Variants in KIF26B observed in about 807,000 individuals in gnomAD.
KIF26B encodes the protein kinesin family member 26B.
A neutral mutation model predicts 151.2 loss-of-function variants in KIF26B; 63 were observed. The observed-to-expected ratio is 0.42, with a 90% CI of 0.34 to 0.51. The LOEUF (loss-of-function observed/expected upper bound fraction) is 0.51. Among genes scored for constraint, KIF26B ranks in the 20% least tolerant of loss-of-function variants. The probability of loss-of-function intolerance (pLI) is 0.07; values close to 1 mark genes in which losing one functional copy is unlikely to be tolerated. For missense variants in KIF26B, 2,813 were observed against 2,913.6 expected (o/e 0.97, Z 0.79); for synonymous variants, 1,357 against 1,262.1 (o/e 1.08, Z -1.59).
chr1:245,529,517 A>G (rs1661313860), intron 4 of KIF26B, among the ~76,000 whole-genome samples: 1 of 152,146 alleles, frequency 6.6e-6, no homozygotes, highest in Non-Finnish European at 1.5e-5. Flanking sequence ...GGAAATAACA[A>G]ACTCTTGCTT....
rs980289066 is a variant in KIF26B, at chr1:245,555,053, C to A, written c.1350+14103C>A. ...TCTTCCATTGGAGGCAACACCTGGG[C>A]GTTCTTTGTTTTGCCTTTGCCGCAG... On this transcript the variant is annotated intron_variant, in intron 5 of 14. Transcript: ENST00000407071. Among the ~76,000 whole-genome samples the A allele has an allele frequency of 3.9e-5, 6 of 152,112 alleles. No individual in the cohort carries two copies. The East Asian group carries it at 1.2e-3, about 29-fold the overall frequency.
intron 2 of KIF26B, among the ~76,000 whole-genome samples, chr1:245,243,525 G>A (rs936402085): frequency 1.3e-5 from 2 of 151,724 alleles, no homozygotes; most frequent in Admixed American, 6.6e-5. Context: ...TGTGCATAAC[G>A]TGTTTCTCCT....
Position 245,257,656 on chromosome 1 carries a change from C to T in KIF26B, c.465+100973C>T, listed in dbSNP as rs144157181. 7.3e-3 allele frequency among the ~76,000 whole-genome samples: 1,106 copies of T among 152,278 alleles called. 16 individuals carry two copies. The highest frequency in any genetic ancestry group is 0.025 in the African/African-American group (1,052 of 41,552). The stretch of plus-strand genomic sequence containing the variant: ...GGAGAAATAGCTTCCCACCAAAGCC[C>T]TCCCGTGTCTAGAAGCATCACAGTG... On this transcript the variant is annotated intron_variant, in intron 2 of 14. Transcript: ENST00000407071.
At chr1:245,500,000 C>A (rs1406056224) in intron 4 of KIF26B, among the ~76,000 whole-genome samples, 3 of 152,222 alleles carry the variant, frequency 2.0e-5, no homozygotes, top group Admixed American at 1.3e-4. Context: ...CCAATGCGCA[C>A]TTTGTTTTAG....
At chr1:245,382,165 C>A (rs559026240) in intron 3 of KIF26B, among the ~76,000 whole-genome samples, 2 of 152,250 alleles carry the variant, frequency 1.3e-5, no homozygotes, top group East Asian at 3.9e-4. Context: ...ATAGTAGCGG[C>A]CCCATTTTAC....
chr1:245,518,369 A>G (rs1661016325), intron 4 of KIF26B, among the ~76,000 whole-genome samples: 1 of 152,142 alleles, frequency 6.6e-6, no homozygotes, highest in Non-Finnish European at 1.5e-5. Context: ...GAGTCAACCT[A>G]CGCTACTTGT....
chr1:245,324,173 ATTG>A (rs1671941649), intron 2 of KIF26B, among the ~76,000 whole-genome samples: 1 of 106,024 alleles, frequency 9.4e-6, no homozygotes, highest in African/African-American at 3.6e-5. Flanking sequence ...GATGTGGGTG[ATTG>A]GAGGTGGAGG....
At chr1:245,191,240 C>T (rs1006580142) in intron 2 of KIF26B, among the ~76,000 whole-genome samples, 22 of 151,612 alleles carry the variant, frequency 1.5e-4, no homozygotes, top group African/African-American at 3.6e-4. Context: ...TTTGGGAGGC[C>T]GAGGCGGGCG....
chr1:245,363,426 C>A (rs1369411679), intron 2 of KIF26B, among the ~76,000 whole-genome samples: 1 of 152,160 alleles, frequency 6.6e-6, no homozygotes, highest in Non-Finnish European at 1.5e-5. Flanking sequence ...GGACTCCTGA[C>A]CTCAGGTAAT....
intron 3 of KIF26B, among the ~76,000 whole-genome samples, chr1:245,384,010 A>C (rs545769931): frequency 1.3e-5 from 2 of 152,286 alleles, no homozygotes; most frequent in Admixed American, 1.3e-4. Flanking sequence ...CGAAAATCTT[A>C]ATTCCATTCC....
chr1:245,548,401 C>T (rs1019829977), intron 5 of KIF26B, among the ~76,000 whole-genome samples: 2 of 152,166 alleles, frequency 1.3e-5, no homozygotes, highest in African/African-American at 4.8e-5. Context: ...AAAACATGGA[C>T]GTGACCAGAA....
rs376015213 is a variant in KIF26B, at chr1:245,251,874, T to A, written c.465+95191T>A. Among the ~76,000 whole-genome samples, 58 of 152,082 alleles carry A rather than the reference T, an allele frequency of 3.8e-4. 1 individual carries two copies. In the East Asian group the frequency reaches 7.3e-3, roughly 19 times the overall value. Reference sequence around the variant, plus strand: ...CTGGCTTGTCAAGTTCTGCCAAAAATATATATATATGGTTAATATATATTA... The same window carrying A: ...CTGGCTTGTCAAGTTCTGCCAAAAAAATATATATATGGTTAATATATATTA... On this transcript the variant is annotated intron_variant, in intron 2 of 14. Transcript: ENST00000407071.
In KIF26B at chr1:245,237,033, C is replaced by T. The variant is rs529683358; in HGVS notation, c.465+80350C>T. Among the ~76,000 whole-genome samples the T allele has an allele frequency of 6.2e-4, 94 of 152,356 alleles. No individual in the cohort carries two copies. The Middle Eastern group carries it at 0.01, about 17-fold the overall frequency. ...TGTGATCACAAATGCTTCTAAGGCT[C>T]ACAACGTAGCAGAATTTGTCTGCAA... On this transcript the variant is annotated intron_variant, in intron 2 of 14. Transcript: ENST00000407071.
intron 10 of KIF26B, among the ~76,000 whole-genome samples, chr1:245,668,495 A>G (rs958537564): frequency 6.6e-6 from 1 of 152,196 alleles, no homozygotes; most frequent in Non-Finnish European, 1.5e-5. Flanking sequence ...AAGTTACTTA[A>G]TGTATGAGTT....
chr1:245,437,733 G>C (rs528247968), intron 4 of KIF26B, among the ~76,000 whole-genome samples: 1 of 152,236 alleles, frequency 6.6e-6, no homozygotes, highest in Admixed American at 6.5e-5. Flanking sequence ...AAAATAACAA[G>C]ACTATTTCCT....
At chr1:245,315,069 A>G (rs1372382206) in intron 2 of KIF26B, among the ~76,000 whole-genome samples, 18 of 151,896 alleles carry the variant, frequency 1.2e-4, no homozygotes, top group Non-Finnish European at 1.9e-4. Context: ...AATCCCAGCT[A>G]CTCGGGAGGC....
intron 4 of KIF26B, among the ~76,000 whole-genome samples, chr1:245,429,151 G>T (rs1658717695): frequency 1.3e-5 from 2 of 152,162 alleles, no homozygotes; most frequent in Admixed American, 1.3e-4. Context: ...CATCATATCT[G>T]CTTTATAGGA....
rs1330989417 is a variant in KIF26B at position 245,686,753 on chromosome 1, T to C, written c.3770T>C (p.Leu1257Ser). 4 of 1,613,406 alleles carry C rather than the reference T, an allele frequency of 2.5e-6. No homozygotes were observed. The highest frequency in any genetic ancestry group is 3.4e-6 in the Non-Finnish European group (4 of 1,179,800). Residue 1257 changes from leucine to serine, a missense_variant, in exon 12 of 15, where the codon TTG (leucine) becomes TCG (serine). This residue lies in a region of KIF26B where 2,060 missense variants were observed against 2,088.6 expected (regional missense o/e 0.99). Transcript: ENST00000407071. This position sits in a 1 kb window ranked among gnomAD's most constrained non-coding sequence, Gnocchi z 5.6. The part of the protein sequence containing the change: ...PVSEVSITQF[L>S]PLPKMSLDEK... Reference sequence around the variant, plus strand: ...TCCGAGGTCAGCATCACACAGTTCTTGCCCCTCCCGAAGATGAGCCTGGAT... The same window carrying C: ...TCCGAGGTCAGCATCACACAGTTCTCGCCCCTCCCGAAGATGAGCCTGGAT...
chr1:245,501,110 T>C (rs574183562), intron 4 of KIF26B, among the ~76,000 whole-genome samples: 3 of 152,334 alleles, frequency 2.0e-5, no homozygotes, highest in African/African-American at 7.2e-5. Context: ...CCCCATTTCG[T>C]GGACAGAACA....
Sources: gnomAD v4.1 joint callset for allele counts (sites outside exome capture counted in the v4.1 genomes callset) on GRCh38, gnomAD v4.1.1 for gene constraint, gnomAD v4.1.1 regional missense constraint, Gnocchi (gnomAD v3.1) non-coding constraint, MANE v1.5 for transcripts, NCBI Gene and HGNC (gene_info 2026-07-23, HGNC 2026-07-21) for gene names.